Variants in DPP6 observed in about 807,000 individuals in gnomAD.
DPP6 encodes the protein dipeptidyl peptidase like 6.
In DPP6, 69 loss-of-function variants were observed where a neutral mutation model predicts 122.6. That is an observed-to-expected ratio of 0.56 (90% CI 0.46 to 0.69). The LOEUF is 0.69. DPP6 is among the 30% of genes least tolerant of loss of function. The probability of loss-of-function intolerance (pLI) is 0.00; values close to 1 mark genes in which losing one functional copy is unlikely to be tolerated. For synonymous variants in DPP6, 418 were observed against 433.1 expected, an observed-to-expected ratio of 0.97 and a Z score of 0.43; for missense variants, 928 against 1,116.9, an observed-to-expected ratio of 0.83 and a Z score of 2.41.
chr7:153,843,214 A>C, the DPP6 span, among the ~76,000 whole-genome samples: 109 of 152,302 alleles, frequency 7.2e-4, 1 homozygote, highest in South Asian at 0.018. Context: ...GTGCACACAC[A>C]CAAATGCATA....
the DPP6 span, among the ~76,000 whole-genome samples, chr7:153,778,634 A>C: frequency 6.6e-6 from 1 of 151,740 alleles, no homozygotes; most frequent in Non-Finnish European, 1.5e-5. Context: ...CACCACCTCA[A>C]AATATACCCT....
At chr7:154,305,112 C>T (rs1360068940) in intron 1 of DPP6, 2 of 416,868 alleles carry the variant, frequency 4.8e-6, no homozygotes, top group African/African-American at 2.2e-5. Context: ...CCGGAGCATG[C>T]GCCGTGGGCG....
At chr7:154,566,113 G>A (rs1830729931) in intron 4 of DPP6, among the ~76,000 whole-genome samples, 1 of 152,310 alleles carries the variant, frequency 6.6e-6, no homozygotes, top group African/African-American at 2.4e-5. Context: ...GTTGGAAAAA[G>A]AGCAAGTTGC....
At chr7:154,008,351 T>C (rs1460838539) in intron 1 of DPP6, among the ~76,000 whole-genome samples, 1 of 152,252 alleles carries the variant, frequency 6.6e-6, no homozygotes, top group African/African-American at 2.4e-5. Context: ...CTCAGATTTC[T>C]TGACTGCCAT....
At chr7:154,196,510 C>T (rs911645488) in intron 1 of DPP6, among the ~76,000 whole-genome samples, 2 of 152,250 alleles carry the variant, frequency 1.3e-5, no homozygotes, top group East Asian at 1.9e-4. Flanking sequence ...ACAAAACTCA[C>T]AAATGTTCAT....
At chr7:154,649,131 G>A (rs1271509020) in intron 6 of DPP6, among the ~76,000 whole-genome samples, 1 of 152,100 alleles carries the variant, frequency 6.6e-6, no homozygotes, top group African/African-American at 2.4e-5. Flanking sequence ...TGTTGAGGGG[G>A]TTGTACAGTG....
intron 1 of DPP6, among the ~76,000 whole-genome samples, chr7:154,191,621 A>T (rs780370089): frequency 6.6e-6 from 1 of 152,234 alleles, no homozygotes; most frequent in African/African-American, 2.4e-5. Context: ...GATTGATTGA[A>T]TGAATGAATG....
chr7:154,238,485 C>T lies in DPP6; in HGVS notation c.243+185422C>T, dbSNP rs145708866. On this transcript the variant is annotated intron_variant, in intron 1 of 25. Transcript: ENST00000377770. ...GTGGATTAAGAGGTTAAGTCAGAGT[C>T]GGATTAGACTGTCTGATTTAAGTAA... is the stretch of plus-strand genomic sequence containing the variant. 3.3e-5 allele frequency among the ~76,000 whole-genome samples: 5 copies of T among 152,230 alleles called. No individual in the cohort carries two copies. The East Asian group carries it at 5.8e-4, about 18-fold the overall frequency.
the DPP6 span, among the ~76,000 whole-genome samples, chr7:153,825,933 C>T: frequency 6.6e-5 from 10 of 152,052 alleles, no homozygotes; most frequent in Non-Finnish European, 1.5e-4. Context: ...AAATATTGGC[C>T]AAATAAAATT....
chr7:154,481,346 G>GTGTGTGTGTGTGTGTGTGT lies in DPP6; in HGVS notation c.457+6309_457+6310insTGTGTGTGTGTGTGTGTGT, dbSNP rs58430009. ...ATACACTTGGAGAGAGAGAGAGAGGGGTGTGTGTGTGTGTGTGTGTGTGTG... is the reference window on the plus strand; with the variant it reads ...ATACACTTGGAGAGAGAGAGAGAGGGTGTGTGTGTGTGTGTGTGTGTGTGTGTGTGTGTGTGTGTGTGTG... On this transcript the variant is annotated intron_variant, in intron 3 of 25. Coordinates refer to ENST00000377770, the MANE Select transcript of DPP6 (RefSeq NM_130797.4). The surrounding 1 kb of genome is among the most constrained non-coding windows in gnomAD (Gnocchi z 4.2). Among the ~76,000 whole-genome samples the GTGTGTGTGTGTGTGTGTGT allele has an allele frequency of 6.8e-6, 1 of 148,058 alleles. No homozygotes were observed. The highest frequency in any genetic ancestry group is 1.5e-5 in the Non-Finnish European group (1 of 67,158).
chr7:153,870,701 G>A, the DPP6 span, among the ~76,000 whole-genome samples: 4,053 of 152,296 alleles, frequency 0.027, 159 homozygotes, highest in African/African-American at 0.091. Context: ...GAGGTGCTGC[G>A]TTCCTTTGGA....
chr7:154,691,624 C>T (rs1289916827), intron 7 of DPP6, among the ~76,000 whole-genome samples: 2 of 152,054 alleles, frequency 1.3e-5, no homozygotes, highest in Admixed American at 1.3e-4. Context: ...TCGAGACTAT[C>T]CTGGATAACA....
chr7:154,125,481 C>T (rs1807812830), intron 1 of DPP6, among the ~76,000 whole-genome samples: 2 of 152,128 alleles, frequency 1.3e-5, no homozygotes, highest in African/African-American at 4.8e-5. Flanking sequence ...CTAACATGAC[C>T]ACTAAAGAGC....
intron 9 of DPP6, among the ~76,000 whole-genome samples, chr7:154,771,484 C>A (rs140209442): frequency 1.3e-3 from 198 of 152,324 alleles, no homozygotes; most frequent in African/African-American, 4.3e-3. Context: ...AAGGGTGCCA[C>A]CCTCATGACC....
At chr7:154,660,573 TC>T (rs1279160142) in intron 6 of DPP6, among the ~76,000 whole-genome samples, 2 of 138,934 alleles carry the variant, frequency 1.4e-5, no homozygotes, top group African/African-American at 2.9e-5. Context: ...CCATGGCGTA[TC>T]GGCCGTAGTG....
chr7:154,197,334 G>A lies in DPP6; in HGVS notation c.243+144271G>A, dbSNP rs191299038. 1.3e-3 allele frequency among the ~76,000 whole-genome samples: 200 copies of A among 152,132 alleles called. 1 individual carries two copies. The highest frequency in any genetic ancestry group is 4.5e-3 in the African/African-American group (188 of 41,502). On this transcript the variant is annotated intron_variant, in intron 1 of 25. Coordinates refer to ENST00000377770, the MANE Select transcript of DPP6 (RefSeq NM_130797.4). ...ACTCTAGCTTCCTTGTGGACAAGAA[G>A]CATTCCTGTGCCTCTGTGTGCTCTG...
At chr7:154,489,927 C>G (rs1446449084) in intron 3 of DPP6, among the ~76,000 whole-genome samples, 1 of 152,154 alleles carries the variant, frequency 6.6e-6, no homozygotes, top group Non-Finnish European at 1.5e-5. Flanking sequence ...AGGCAAGGAA[C>G]CGACATGTGC....
At chr7:154,718,866 C>T (rs1202717962) in intron 7 of DPP6, among the ~76,000 whole-genome samples, 8 of 152,066 alleles carry the variant, frequency 5.3e-5, no homozygotes, top group African/African-American at 1.9e-4. Flanking sequence ...TCTCAAACTT[C>T]TGACCTCAGG....
chr7:154,461,920 T>C (rs1338819438), intron 2 of DPP6, among the ~76,000 whole-genome samples: 2 of 152,224 alleles, frequency 1.3e-5, no homozygotes, highest in African/African-American at 4.8e-5. Context: ...AGGGTATTAC[T>C]CAAGAAATTT....
Sources: gnomAD v4.1 joint callset for allele counts (sites outside exome capture counted in the v4.1 genomes callset) on GRCh38, gnomAD v4.1.1 for gene constraint, Gnocchi (gnomAD v3.1) non-coding constraint, MANE v1.5 for transcripts, NCBI Gene and HGNC (gene_info 2026-07-23, HGNC 2026-07-21) for gene names.